Variants in WDR35 observed in about 807,000 individuals in gnomAD.
The protein encoded by WDR35 is WD repeat domain 35.
A neutral mutation model predicts 158.3 loss-of-function variants in WDR35; 118 were observed. That is an observed-to-expected ratio of 0.75 (90% CI 0.64 to 0.87). The LOEUF (loss-of-function observed/expected upper bound fraction) is 0.87, where lower values mean the gene tolerates loss of function less well. Among genes scored for constraint, WDR35 ranks in the 40% least tolerant of loss-of-function variants. WDR35 has a pLI of 0.00. For missense variants in WDR35, 1,263 were observed against 1,405.8 expected (o/e 0.90, Z 1.62); for synonymous variants, 448 against 476.1 (o/e 0.94, Z 0.77).
rs886055402 is a variant in WDR35 at position 19,931,277 on chromosome 2, T to G, written c.2956A>C (p.Ser986Arg). The change falls in exon 24 of 27, where the codon AGT becomes CGT. Residue 986 changes from serine to arginine, a missense_variant. Transcript: ENST00000281405. ...NAQRGKVKGKSSEATSALAGL... is the reference protein window; with the variant it reads ...NAQRGKVKGKRSEATSALAGL... ...TTAACGTGCTACTTTACCTCTGAAC[T>G]TTTTCCTTTAACTTTTCCTCGCTGG... 3 of 1,613,072 alleles carry G rather than the reference T, an allele frequency of 1.9e-6. No individual in the cohort carries two copies. The highest frequency in any genetic ancestry group is 1.7e-5 in the Admixed American group (1 of 59,986).
At position 19,956,709 on chromosome 2, in the gene WDR35, C is replaced by T. The variant is rs370615212; in HGVS notation, c.1256-2731G>A. 3.3e-4 allele frequency among the ~76,000 whole-genome samples: 50 copies of T among 151,220 alleles called. No individual in the cohort carries two copies. In the South Asian group the frequency reaches 5.4e-3, roughly 16 times the overall value. ...GGTCTCGACTCACTGCAAGCTCCGC[C>T]TCCCGGGTTCACGCCATTCTCCTGC... On this transcript the variant is annotated intron_variant, in intron 11 of 26. Transcript: ENST00000281405.
chr2:19,917,133 G>A (rs959417692), intron 25 of WDR35, among the ~76,000 whole-genome samples: 7 of 152,162 alleles, frequency 4.6e-5, no homozygotes, highest in Non-Finnish European at 4.4e-5. Context: ...AACTCCAGCA[G>A]ACCTGCTGGA....
chr2:19,919,769 C>A (rs7587014), intron 25 of WDR35, among the ~76,000 whole-genome samples: 12,696 of 152,094 alleles, frequency 0.083, 745 homozygotes, highest in East Asian at 0.23. Flanking sequence ...ACACAAAAAA[C>A]CCTCCAAAAA....
chr2:19,922,399 A>T (rs1670196725), intron 25 of WDR35, among the ~76,000 whole-genome samples: 1 of 152,206 alleles, frequency 6.6e-6, no homozygotes, highest in African/African-American at 2.4e-5. Context: ...ATAAAAAAGG[A>T]TGCATTCATG....
intron 21 of WDR35, among the ~76,000 whole-genome samples, chr2:19,933,792 C>T (rs998096136): frequency 1.3e-5 from 2 of 152,062 alleles, no homozygotes; most frequent in African/African-American, 4.8e-5. Flanking sequence ...AGCTAGTATA[C>T]AGAAATGTCA....
intron 17 of WDR35, among the ~76,000 whole-genome samples, chr2:19,940,519 T>C (rs1257377668): frequency 6.6e-6 from 1 of 152,216 alleles, no homozygotes; most frequent in African/African-American, 2.4e-5. Flanking sequence ...GCTATCCATA[T>C]ACAGAAGAGT....
chr2:19,971,324 T>C (rs1296331353), intron 8 of WDR35, among the ~76,000 whole-genome samples: 2 of 152,196 alleles, frequency 1.3e-5, no homozygotes, highest in Non-Finnish European at 2.9e-5. Context: ...TATTAAGAGA[T>C]GAGACCTTTA....
At chr2:19,917,236 AGGTCAC>A (rs1670018545) in intron 25 of WDR35, among the ~76,000 whole-genome samples, 1 of 152,246 alleles carries the variant, frequency 6.6e-6, no homozygotes, top group Non-Finnish European at 1.5e-5. Flanking sequence ...CCCCATCCGA[AGGTCAC>A]CGACTTCAAA....
chr2:19,948,908 T>A (rs1203560480), intron 13 of WDR35, among the ~76,000 whole-genome samples: 4 of 150,896 alleles, frequency 2.7e-5, no homozygotes, highest in African/African-American at 9.8e-5. Context: ...TGCAAGACTC[T>A]GTCTCAAAAA....
chr2:19,962,742 A>G (rs1471810039), intron 10 of WDR35, among the ~76,000 whole-genome samples: 1 of 152,206 alleles, frequency 6.6e-6, no homozygotes, highest in Non-Finnish European at 1.5e-5. Context: ...AAAAATAAAA[A>G]GAACTCATTG....
In WDR35 at chr2:19,990,072, C is replaced by G; in HGVS notation, c.-57G>C. On this transcript the variant is annotated 5_prime_UTR_variant, in exon 1 of 27. Transcript: ENST00000281405. ...CTAAGGCCCTCGACAAGTAACGGTT[C>G]TACGTCTCCAATCGGGAGTACCAGC... 1.2e-6 allele frequency: 2 copies of G among 1,605,956 alleles called. No homozygotes were observed. The highest frequency in any genetic ancestry group is 2.2e-5 in the South Asian group (2 of 89,646).
intron 26 of WDR35, 60 bp downstream of exon 26, chr2:19,913,977 A>G: frequency 1.2e-6 from 2 of 1,608,374 alleles, no homozygotes; most frequent in Non-Finnish European, 1.7e-6. Context: ...AACATTGTAC[A>G]TCTAGAAATC....
chr2:19,940,854 T>C (rs1358063084), intron 17 of WDR35, among the ~76,000 whole-genome samples: 1 of 152,188 alleles, frequency 6.6e-6, no homozygotes, highest in Non-Finnish European at 1.5e-5. Flanking sequence ...AAGCCTGCCC[T>C]TCTCTCCCCT....
At chr2:19,949,282 G>A (rs1398760883) in intron 13 of WDR35, among the ~76,000 whole-genome samples, 1 of 152,214 alleles carries the variant, frequency 6.6e-6, no homozygotes, top group Non-Finnish European at 1.5e-5. Flanking sequence ...AAGTGGGCCA[G>A]GAAGGAGGAG....
chr2:19,937,792 A>C lies in WDR35; in HGVS notation c.2218T>G (p.Phe740Val), dbSNP rs1441193522. Residue 740 changes from phenylalanine (F) to valine (V), a missense_variant, in exon 19 of 27, where the codon TTC becomes GTC. Phe to Val is a conservative substitution (Grantham distance 50). Transcript: ENST00000281405. Reference protein sequence around the residue: ...SMKQAEVVGYFGRFEEAERTY... With the variant: ...SMKQAEVVGYVGRFEEAERTY... The stretch of plus-strand genomic sequence containing the variant: ...CTTTCAGCCTCTTCAAACCTGCCGA[A>C]GTAGCCAACAACTTCAGCCTGTTTC... 6.2e-7 allele frequency: 1 copy of C among 1,614,158 alleles called. No homozygotes were observed. The highest frequency in any genetic ancestry group is 1.7e-5 in the Admixed American group (1 of 60,014).
At chr2:19,945,384 CAGAAAAGAATGAA>C (rs1461624046) in intron 16 of WDR35, among the ~76,000 whole-genome samples, 5 of 152,030 alleles carry the variant, frequency 3.3e-5, no homozygotes, top group Non-Finnish European at 7.4e-5. Context: ...AATAAAGAGA[CAGAAAAGAATGAA>C]TGGACAAGGA....
At chr2:19,955,654 A>T (rs1452284781) in intron 11 of WDR35, among the ~76,000 whole-genome samples, 4 of 152,216 alleles carry the variant, frequency 2.6e-5, no homozygotes, top group African/African-American at 4.8e-5. Flanking sequence ...GTAAAACTTA[A>T]TTTCTCTATT....
rs753374553 is a variant in WDR35 at position 19,984,002 on chromosome 2, C to CATAT, written c.143-1472_143-1469dup. On this transcript the variant is annotated intron_variant, in intron 2 of 26. Coordinates refer to ENST00000281405, the MANE Select transcript of WDR35 (RefSeq NM_020779.4). ...TAGCACTGAAAAATCCATTCTAATG[C>CATAT]ATATATATATATATATATATATATA... Among the ~76,000 whole-genome samples, 176 of 89,846 alleles carry CATAT rather than the reference C, an allele frequency of 2.0e-3. 2 individuals carry two copies. Among genetic ancestry groups the CATAT allele is most frequent in the African/African-American group, 7.6e-3 (161 of 21,062 alleles). 58.9% of individuals were successfully genotyped at this position (89,846 alleles called of 152,430 possible).
rs1430777538 is a variant in WDR35 at position 19,966,901 on chromosome 2, A to G, written c.1017T>C (p.Tyr339=). 1 of 1,613,730 alleles carries G rather than the reference A, an allele frequency of 6.2e-7. No individual in the cohort carries two copies. Among genetic ancestry groups the G allele is most frequent in the East Asian group, 2.2e-5 (1 of 44,850 alleles). Residue 339 remains tyrosine (Y), a synonymous_variant, in exon 10 of 27, where the codon TAT becomes TAC. Coordinates refer to ENST00000281405, the MANE Select transcript of WDR35 (RefSeq NM_020779.4). ...ATGCATAAACTACAGTGTTTGAGCA[A>G]TAACCCCACTAGGAAGAAAGGAAGG... ...ANIRPNYKWG[Y]CSNTVVYAYT...
Sources: gnomAD v4.1 joint callset for allele counts (sites outside exome capture counted in the v4.1 genomes callset) on GRCh38, gnomAD v4.1.1 for gene constraint, MANE v1.5 for transcripts, NCBI Gene and HGNC (gene_info 2026-07-23, HGNC 2026-07-21) for gene names.